MCM5: variants seen among roughly 807,000 people sequenced by gnomAD.
The protein encoded by MCM5 is minichromosome maintenance complex component 5.
Under a neutral mutation model 79.9 loss-of-function variants are expected in MCM5, and 46 were observed. The observed-to-expected ratio is 0.58, with a 90% CI of 0.45 to 0.74. MCM5 has a LOEUF of 0.74. Among genes scored for constraint, MCM5 ranks in the 30% least tolerant of loss-of-function variants. The probability of loss-of-function intolerance (pLI) is 0.00; values close to 1 mark genes in which losing one functional copy is unlikely to be tolerated. For synonymous variants in MCM5, 404 were observed against 390.5 expected (o/e 1.03, Z -0.41); for missense variants, 883 against 1,017.0 (o/e 0.87, Z 1.79).
the MCM5 span, among the ~76,000 whole-genome samples, chr22:35,438,591 C>CCATCCACCCACCCACATATT: frequency 8.9e-4 from 43 of 48,056 alleles, no homozygotes; most frequent in African/African-American, 2.2e-3. Flanking sequence ...ATCCATCCAT[C>CCATCCACCCACCCACATATT]CATGCATCCA....
the MCM5 span, among the ~76,000 whole-genome samples, chr22:35,444,385 C>T: frequency 6.6e-6 from 1 of 152,146 alleles, no homozygotes; most frequent in African/African-American, 2.4e-5. Context: ...AGAGCTGTTC[C>T]ATCACCAGGT....
rs4645794 is a variant in MCM5, at chr22:35,416,058, C to T, written c.1347+86C>T. The T allele has an allele frequency of 0.031, 47,265 of 1,509,420 alleles. 4,436 individuals carry two copies. The African/African-American group carries it at 0.33, about 11-fold the overall frequency. 93.5% of individuals were successfully genotyped at this position (1,509,420 alleles called of 1,614,324 possible). A position where few individuals can be genotyped will look rare whatever the true frequency, so the allele number is the denominator to read the frequency against. Reference sequence around the variant, plus strand: ...TGTGCTCAGCCAGCAGAAATCACCTCTGACTTGGGAGACATGTTTTCAATC... The same window carrying T: ...TGTGCTCAGCCAGCAGAAATCACCTTTGACTTGGGAGACATGTTTTCAATC... On this transcript the variant is annotated intron_variant, in intron 10 of 16. Transcript: ENST00000216122.
chr22:35,424,207 C>T lies in MCM5; in HGVS notation c.2157C>T (p.Gly719=), dbSNP rs1466112063. The T allele has an allele frequency of 6.4e-7, 1 of 1,553,250 alleles. No homozygotes were observed. The highest frequency in any genetic ancestry group is 8.7e-7 in the Non-Finnish European group (1 of 1,147,970). The part of the protein sequence containing the change: ...HKVLQLMLRR[G]EIQHRMQRKV... The stretch of plus-strand genomic sequence containing the variant: ...TGCTGCAGCTCATGCTGCGGCGCGG[C>T]GAGATCCAGCATCGCATGCAGCGCA... Residue 719 remains glycine (G), a synonymous_variant, in exon 17 of 17, where the codon GGC becomes GGT. Coordinates refer to ENST00000216122, the MANE Select transcript of MCM5 (RefSeq NM_006739.4).
downstream of MCM5, among the ~76,000 whole-genome samples, chr22:35,426,728 A>G (rs1932781398): frequency 6.6e-6 from 1 of 152,170 alleles, no homozygotes; most frequent in Non-Finnish European, 1.5e-5. Flanking sequence ...GCTCCCAGGA[A>G]GGGCTGGGTG....
In MCM5 at chr22:35,420,930, C is replaced by T. The variant is rs4645810; in HGVS notation, c.1833-388C>T. Among the ~76,000 whole-genome samples, 1,098 of 152,042 alleles carry T rather than the reference C, an allele frequency of 7.2e-3. 14 individuals carry two copies. The highest frequency in any genetic ancestry group is 0.024 in the African/African-American group (1,013 of 41,470). On this transcript the variant is annotated intron_variant, in intron 14 of 16. Transcript: ENST00000216122. The stretch of plus-strand genomic sequence containing the variant: ...ATTACTTGAGGCCAGGAGTTTGAGA[C>T]CAGCCTGGGCAACATAGCAAGACTC...
chr22:35,418,192 T>C (rs1351972340), intron 13 of MCM5, among the ~76,000 whole-genome samples: 1 of 152,118 alleles, frequency 6.6e-6, no homozygotes, highest in African/African-American at 2.4e-5. Flanking sequence ...TTGGGCAAGT[T>C]GGTTGGCCTC....
chr22:35,441,934 G>A, the MCM5 span, among the ~76,000 whole-genome samples: 208 of 152,176 alleles, frequency 1.4e-3, 1 homozygote, highest in African/African-American at 4.7e-3. Flanking sequence ...CCGGTTCAGA[G>A]GCCCCTTCCC....
At chr22:35,402,939 C>T (rs1932103492) in intron 2 of MCM5, among the ~76,000 whole-genome samples, 3 of 152,326 alleles carry the variant, frequency 2.0e-5, no homozygotes, top group Middle Eastern at 3.4e-3. Flanking sequence ...TTTGTGCACG[C>T]TGGCCTGGGT....
chr22:35,453,944 G>A, the MCM5 span, among the ~76,000 whole-genome samples: 15 of 151,684 alleles, frequency 9.9e-5, no homozygotes, highest in Admixed American at 3.9e-4. Flanking sequence ...TGGAGACTTC[G>A]GGGGACAAGT....
intron 13 of MCM5, among the ~76,000 whole-genome samples, chr22:35,419,269 G>T (rs1013232481): frequency 6.6e-6 from 1 of 151,856 alleles, no homozygotes; most frequent in African/African-American, 2.4e-5. Flanking sequence ...ACATCCTTAG[G>T]ATGGTTGAGC....
At chr22:35,452,534 G>A in the MCM5 span, among the ~76,000 whole-genome samples, 1 of 152,226 alleles carries the variant, frequency 6.6e-6, no homozygotes, top group African/African-American at 2.4e-5. Context: ...AAGGATCATA[G>A]TCACCTCTGG....
At chr22:35,439,497 G>A in the MCM5 span, among the ~76,000 whole-genome samples, 6,993 of 111,318 alleles carry the variant, frequency 0.063, 491 homozygotes, top group African/African-American at 0.2. Flanking sequence ...CCATCCACCC[G>A]CCCACATATT....
At chr22:35,401,722 GCTT>G in intron 2 of MCM5, 1 of 466,032 alleles carries the variant, frequency 2.1e-6, no homozygotes, top group East Asian at 6.9e-5. Context: ...GAAAAGACGT[GCTT>G]CTTGTCCTAG....
intron 1 of MCM5, 44 bp from the exon 2 acceptor site, chr22:35,400,387 A>C (rs1932001113): frequency 3.1e-6 from 5 of 1,610,594 alleles, no homozygotes; most frequent in Admixed American, 1.7e-5. Flanking sequence ...AGGAGGTGCC[A>C]GGCGCTGCCC....
At chr22:35,406,819 T>C in intron 5 of MCM5, 94 bp downstream of exon 5, 4 of 1,354,068 alleles carry the variant, frequency 3.0e-6, no homozygotes, top group Non-Finnish European at 4.1e-6. Flanking sequence ...CAGCTGCTTC[T>C]AGAGATCCAC....
chr22:35,412,683 T>C lies in MCM5; in HGVS notation c.1091+2T>C. The C allele has an allele frequency of 1.4e-6, 2 of 1,469,180 alleles. No homozygotes were observed. Among genetic ancestry groups the C allele is most frequent in the Non-Finnish European group, 1.8e-6 (2 of 1,099,700 alleles). The allele number at this position is 1,469,180 out of a possible 1,614,324, so 91.0% of individuals were successfully genotyped here. ...GCTCTTTGGGGGCTCCCGAAAGAGGTAGGGGCTTGAGTTCCCTTGGGTTTG... is the reference window on the plus strand; with the variant it reads ...GCTCTTTGGGGGCTCCCGAAAGAGGCAGGGGCTTGAGTTCCCTTGGGTTTG... On this transcript the variant is annotated splice_donor_variant, in intron 8 of 16. Coordinates refer to ENST00000216122, the MANE Select transcript of MCM5 (RefSeq NM_006739.4). LOFTEE classifies it high-confidence loss of function.
At chr22:35,417,987 C>T (rs1295414618) in intron 13 of MCM5, 131 bp downstream of exon 13, 1 of 649,048 alleles carries the variant, frequency 1.5e-6, no homozygotes, top group Non-Finnish European at 2.8e-6. Context: ...GTTCTCAGCT[C>T]TACTGAATCT....
the MCM5 span, among the ~76,000 whole-genome samples, chr22:35,434,105 A>G: frequency 6.6e-6 from 1 of 152,154 alleles, no homozygotes; most frequent in African/African-American, 2.4e-5. Flanking sequence ...GGATGGTGGT[A>G]GAGTGCAGGC....
chr22:35,420,691 G>A (rs1932671675), intron 14 of MCM5, among the ~76,000 whole-genome samples: 1 of 152,228 alleles, frequency 6.6e-6, no homozygotes, highest in African/African-American at 2.4e-5. Flanking sequence ...AGGAAAGAGA[G>A]CTTCCCTTTT....
Sources: allele counts gnomAD v4.1 joint callset (sites outside exome capture counted in the v4.1 genomes callset), GRCh38; gene constraint gnomAD v4.1.1; transcripts MANE v1.5; gene names NCBI Gene and HGNC (gene_info 2026-07-23, HGNC 2026-07-21).